The following PDZD8 variants were observed in gnomAD, a reference collection of about 807,000 sequenced individuals.
The protein encoded by PDZD8 is PDZ domain-containing protein 8.
Under a neutral mutation model 85.8 loss-of-function variants are expected in PDZD8, and 14 were observed. That is an observed-to-expected ratio of 0.16 (90% CI 0.11 to 0.26). PDZD8 has a LOEUF of 0.26. Among genes scored for constraint, PDZD8 ranks in the 10% least tolerant of loss-of-function variants. The pLI, the probability that PDZD8 is intolerant of heterozygous loss-of-function variation, is 1.00. For synonymous variants in PDZD8, 592 were observed against 568.6 expected (o/e 1.04, Z -0.59); for missense variants, 1,197 against 1,424.3 (o/e 0.84, Z 2.57).
chr10:117,292,561 AC>A (rs2133767905), intron 3 of PDZD8, among the ~76,000 whole-genome samples: 1 of 136,932 alleles, frequency 7.3e-6, no homozygotes, highest in East Asian at 2.1e-4. Context: ...AAAAATTAAC[AC>A]CTGCATTTGG....
chr10:117,353,657 A>G (rs1383481638), intron 1 of PDZD8, among the ~76,000 whole-genome samples: 1 of 151,098 alleles, frequency 6.6e-6, no homozygotes, highest in Non-Finnish European at 1.5e-5. Flanking sequence ...GATGTTATAC[A>G]TAAATTTTGT....
At chr10:117,344,188 C>A (rs1287754773) in intron 1 of PDZD8, among the ~76,000 whole-genome samples, 3 of 152,144 alleles carry the variant, frequency 2.0e-5, no homozygotes, top group African/African-American at 4.8e-5. Flanking sequence ...CTGATCTGCT[C>A]CCCAGTGAAA....
Position 117,285,315 on chromosome 10 carries a change from G to A in PDZD8, c.1418C>T (p.Ser473Leu). ...TTCCTCTTCATAACCCGATTGGCATGAGCTTGACAAAAAGTTTTCTTCCAA... is the reference window on the plus strand; with the variant it reads ...TTCCTCTTCATAACCCGATTGGCATAAGCTTGACAAAAAGTTTTCTTCCAA... Reference protein sequence around the residue: ...GQLEENFLSSSCQSGYEEEAA... With the variant: ...GQLEENFLSSLCQSGYEEEAA... The change falls in exon 5 of 5, where the codon TCA becomes TTA. Residue 473 changes from serine to leucine, a missense_variant. Coordinates refer to ENST00000334464, the MANE Select transcript of PDZD8 (RefSeq NM_173791.5). The A allele has an allele frequency of 1.2e-6, 2 of 1,614,090 alleles. No individual in the cohort carries two copies. The highest frequency in any genetic ancestry group is 1.7e-6 in the Non-Finnish European group (2 of 1,180,018).
intron 1 of PDZD8, among the ~76,000 whole-genome samples, chr10:117,370,918 T>TTGTGTGTGTGTGTGTG (rs71475194): frequency 0.014 from 2,105 of 146,410 alleles, 30 homozygotes; most frequent in East Asian, 0.034. Context: ...ACAACATAGT[T>TTGTGTGTGTGTGTGTG]TGTGTGTGTG....
At chr10:117,344,905 C>T (rs1444302086) in intron 1 of PDZD8, among the ~76,000 whole-genome samples, 2 of 152,168 alleles carry the variant, frequency 1.3e-5, no homozygotes, top group Non-Finnish European at 2.9e-5. Context: ...GCACAGAACA[C>T]TGAGAATACT....
chr10:117,311,782 T>A (rs1490866808), intron 3 of PDZD8, among the ~76,000 whole-genome samples: 1 of 151,948 alleles, frequency 6.6e-6, no homozygotes, highest in East Asian at 1.9e-4. Flanking sequence ...GACACTCAGA[T>A]ATGAGTAACA....
intron 3 of PDZD8, among the ~76,000 whole-genome samples, chr10:117,315,566 G>C (rs1424871354): frequency 7.0e-6 from 1 of 142,844 alleles, no homozygotes; most frequent in South Asian, 2.3e-4. Flanking sequence ...CTCCAGTCTG[G>C]GCGACAGAGC....
intron 2 of PDZD8, among the ~76,000 whole-genome samples, chr10:117,323,435 A>C (rs1200823620): frequency 6.6e-6 from 1 of 152,178 alleles, no homozygotes; most frequent in Non-Finnish European, 1.5e-5. Context: ...CTGAAAAAGC[A>C]GTTAAACAGC....
chr10:117,353,654 T>C (rs1212859942), intron 1 of PDZD8, among the ~76,000 whole-genome samples: 2 of 149,806 alleles, frequency 1.3e-5, no homozygotes, highest in Admixed American at 6.8e-5. Context: ...ATTGATGTTA[T>C]ACATAAATTT....
At chr10:117,350,078 T>A (rs1844777498) in intron 1 of PDZD8, among the ~76,000 whole-genome samples, 1 of 152,114 alleles carries the variant, frequency 6.6e-6, no homozygotes, top group African/African-American at 2.4e-5. Flanking sequence ...AGGCATTATA[T>A]TAATTAACTT....
intron 2 of PDZD8, among the ~76,000 whole-genome samples, chr10:117,335,555 G>C (rs1589574555): frequency 6.6e-6 from 1 of 152,172 alleles, no homozygotes; most frequent in East Asian, 1.9e-4. Flanking sequence ...TTCTGGGTTT[G>C]CAGAAGCATG....
At chr10:117,345,463 TAA>T (rs1844688391) in intron 1 of PDZD8, among the ~76,000 whole-genome samples, 1 of 151,994 alleles carries the variant, frequency 6.6e-6, no homozygotes, top group East Asian at 1.9e-4. Context: ...TTAAAAGCAA[TAA>T]GAGAGTTAAC....
rs547268986 is a variant in PDZD8 at position 117,374,730 on chromosome 10, G to T, written c.498C>A (p.Val166=). 1.1e-5 allele frequency: 17 copies of T among 1,610,956 alleles called. 1 individual carries two copies. The South Asian group carries it at 1.8e-4, about 17-fold the overall frequency. Residue 166 remains valine (V), a synonymous_variant, in exon 1 of 5, where the codon GTC becomes GTA. Coordinates refer to ENST00000334464, the MANE Select transcript of PDZD8 (RefSeq NM_173791.5). The surrounding 1 kb of genome is among the most constrained non-coding windows in gnomAD (Gnocchi z 7.8). The part of the protein sequence containing the change: ...FIKTIRLVRP[V]VPSATGEPDG... ...CGGGCTCCCCGGTGGCCGAGGGCACGACTGGCCGCACGAGCCGGATGGTCT... is the reference window on the plus strand; with the variant it reads ...CGGGCTCCCCGGTGGCCGAGGGCACTACTGGCCGCACGAGCCGGATGGTCT...
At chr10:117,319,222 C>T (rs945779962) in intron 2 of PDZD8, among the ~76,000 whole-genome samples, 11 of 152,052 alleles carry the variant, frequency 7.2e-5, no homozygotes, top group Non-Finnish European at 1.6e-4. Context: ...AAAGTATTAT[C>T]TACTCATTAG....
At chr10:117,289,113 C>T (rs1228328940) in intron 4 of PDZD8, among the ~76,000 whole-genome samples, 1 of 152,152 alleles carries the variant, frequency 6.6e-6, no homozygotes, top group African/African-American at 2.4e-5. Flanking sequence ...GGCCTCACTA[C>T]AGGTCTCCTG....
intron 3 of PDZD8, among the ~76,000 whole-genome samples, chr10:117,304,099 C>T (rs116958437): frequency 7.2e-5 from 11 of 152,274 alleles, no homozygotes; most frequent in East Asian, 1.9e-4. Flanking sequence ...CTCAGACACT[C>T]GATGCCAGCC....
chr10:117,285,774 G>A (rs1844651718), intron 4 of PDZD8: 1 of 1,042,734 alleles, frequency 9.6e-7, no homozygotes, highest in South Asian at 4.1e-5. Context: ...TCTCTTCTTA[G>A]GTTAGATGAC....
At chr10:117,324,555 C>T (rs1255568439) in intron 2 of PDZD8, among the ~76,000 whole-genome samples, 2 of 152,100 alleles carry the variant, frequency 1.3e-5, no homozygotes, top group African/African-American at 4.8e-5. Flanking sequence ...CAGTTACAGT[C>T]CAAAATTGCT....
chr10:117,292,637 G>A (rs1244138303), intron 3 of PDZD8, among the ~76,000 whole-genome samples: 1 of 151,692 alleles, frequency 6.6e-6, no homozygotes, highest in African/African-American at 2.4e-5. Flanking sequence ...CAGGGGGTAG[G>A]ATTAGGAAGT....
Sources: gnomAD v4.1 joint callset for allele counts (sites outside exome capture counted in the v4.1 genomes callset) on GRCh38, gnomAD v4.1.1 for gene constraint, Gnocchi (gnomAD v3.1) non-coding constraint, MANE v1.5 for transcripts, NCBI Gene and HGNC (gene_info 2026-07-23, HGNC 2026-07-21) for gene names.